PAM: variants seen among roughly 807,000 people sequenced by gnomAD.
PAM encodes peptidyl-glycine alpha-amidating monooxygenase.
PAM carries 72 observed loss-of-function variants against 122.1 expected under a neutral mutation model. The observed-to-expected ratio is 0.59, with a 90% CI of 0.49 to 0.72. PAM has a LOEUF of 0.72. PAM is among the 30% of genes least tolerant of loss of function. PAM has a pLI of 0.00. For synonymous variants in PAM, 389 were observed against 404.4 expected, an observed-to-expected ratio of 0.96 and a Z score of 0.46; for missense variants, 1,106 against 1,183.7, an observed-to-expected ratio of 0.93 and a Z score of 0.96.
At chr5:102,960,696 T>C (rs935008158) in intron 13 of PAM, among the ~76,000 whole-genome samples, 1 of 151,906 alleles carries the variant, frequency 6.6e-6, no homozygotes, top group African/African-American at 2.4e-5. Flanking sequence ...TTTTGCAAGT[T>C]CAGTCTTAAC....
intron 7 of PAM, among the ~76,000 whole-genome samples, chr5:102,931,182 A>C (rs1019863499): frequency 6.6e-6 from 1 of 152,234 alleles, no homozygotes; most frequent in Non-Finnish European, 1.5e-5. Flanking sequence ...AGTTACACAT[A>C]ATATGAAAAG....
At chr5:102,895,943 C>G (rs1005578915) in intron 3 of PAM, 1 of 151,678 alleles carries the variant, frequency 6.6e-6, no homozygotes, top group Non-Finnish European at 1.5e-5. Flanking sequence ...GCATGAACCA[C>G]TAGCTTAAAG....
chr5:103,003,506 C>T (rs950481160), intron 17 of PAM, among the ~76,000 whole-genome samples: 70 of 152,234 alleles, frequency 4.6e-4, no homozygotes, highest in African/African-American at 1.6e-3. Context: ...TGTTCATTAG[C>T]TTGATTTAAT....
intron 4 of PAM, among the ~76,000 whole-genome samples, chr5:102,908,853 T>A (rs1800508664): frequency 6.6e-6 from 1 of 151,760 alleles, no homozygotes; most frequent in Non-Finnish European, 1.5e-5. Context: ...TAATGTAATA[T>A]GCCATTGTGG....
chr5:102,930,064 G>A (rs1750947421), intron 7 of PAM, among the ~76,000 whole-genome samples: 2 of 152,034 alleles, frequency 1.3e-5, no homozygotes, highest in African/African-American at 4.8e-5. Flanking sequence ...TACATAAAAT[G>A]TTTGCTTTAC....
intron 23 of PAM, among the ~76,000 whole-genome samples, chr5:103,021,482 A>G (rs1245256744): frequency 6.6e-6 from 1 of 152,184 alleles, no homozygotes; most frequent in Non-Finnish European, 1.5e-5. Flanking sequence ...TCAATGATGG[A>G]TGAATAATGC....
At chr5:102,944,273 A>G (rs1560039) in intron 7 of PAM, among the ~76,000 whole-genome samples, 2,319 of 152,210 alleles carry the variant, frequency 0.015, 40 homozygotes, top group African/African-American at 0.052. Flanking sequence ...TTGCAAGAGA[A>G]CAACCACTAT....
chr5:102,848,306 C>T (rs1307779777), intron 1 of PAM, among the ~76,000 whole-genome samples: 2 of 152,106 alleles, frequency 1.3e-5, no homozygotes, highest in African/African-American at 2.4e-5. Context: ...TAAACTGTTG[C>T]ATTTTAGAAA....
chr5:102,762,259 T>C (rs1752562084), intron 1 of PAM, among the ~76,000 whole-genome samples: 1 of 152,242 alleles, frequency 6.6e-6, no homozygotes, highest in South Asian at 2.1e-4. Context: ...TTGTCTTGCC[T>C]TGTGCCTCTG....
In PAM at chr5:103,025,191, A is replaced by C; in HGVS notation, c.2546A>C (p.Lys849Thr). 6.2e-7 allele frequency: 1 copy of C among 1,613,792 alleles called. No individual in the cohort carries two copies. Among genetic ancestry groups the C allele is most frequent in the South Asian group, 1.1e-5 (1 of 91,074 alleles). ...ENKPTSSELQ[K>T]MQEKQKLIKE... ...AAACCCACCTCCTCAGAATTGCAGA[A>C]GATGCAAGAGAAACAGAAACTGATC... The change falls in exon 24 of 26, where the codon AAG becomes ACG. Residue 849 changes from lysine to threonine, a missense_variant. Around this residue, in one of 3 missense-constraint regions of PAM, gnomAD observed 333 missense variants for 335.6 expected, o/e 0.99. Coordinates refer to ENST00000438793, the MANE Select transcript of PAM (RefSeq NM_001177306.2).
At position 102,901,570 on chromosome 5, in the gene PAM, A is replaced by G. The variant is rs371074322; in HGVS notation, c.268+157A>G. ...CCTAATGCAGAAACAAACTAGAGAG[A>G]GCCACTGAGAGGCAAGATTATAAAC... On this transcript the variant is annotated intron_variant, in intron 4 of 25. Transcript: ENST00000438793. Among the ~76,000 whole-genome samples the G allele has an allele frequency of 1.6e-4, 25 of 151,720 alleles. No individual in the cohort carries two copies. In the East Asian group the frequency reaches 4.1e-3, roughly 25 times the overall value.
At chr5:102,854,903 A>G (rs1782228033) in intron 1 of PAM, among the ~76,000 whole-genome samples, 1 of 152,220 alleles carries the variant, frequency 6.6e-6, no homozygotes, top group African/African-American at 2.4e-5. Flanking sequence ...CACTGATCAA[A>G]GAAAACTGTT....
intron 3 of PAM, among the ~76,000 whole-genome samples, chr5:102,885,490 A>G (rs1485840726): frequency 6.6e-6 from 1 of 152,000 alleles, no homozygotes; most frequent in Non-Finnish European, 1.5e-5. Flanking sequence ...GACACAGTAG[A>G]TGTAAGAAAG....
intron 12 of PAM, among the ~76,000 whole-genome samples, chr5:102,959,382 G>T (rs145785581): frequency 6.7e-4 from 102 of 152,094 alleles, no homozygotes; most frequent in African/African-American, 2.4e-3. Flanking sequence ...CAAAAACAAG[G>T]TCCAGGACTT....
At position 102,901,319 on chromosome 5, in the gene PAM, C is replaced by T. The variant is rs374940561; in HGVS notation, c.211-37C>T. On this transcript the variant is annotated intron_variant, in intron 3 of 25. Coordinates refer to ENST00000438793, the MANE Select transcript of PAM (RefSeq NM_001177306.2). The stretch of plus-strand genomic sequence containing the variant: ...GTTATTATTTCTTCCTTACTAGCAA[C>T]AGTTTAATTTGGATTTTTTAATCTT... The T allele has an allele frequency of 1.8e-5, 21 of 1,197,418 alleles. No individual in the cohort carries two copies. In the African/African-American group the frequency reaches 2.7e-4, roughly 15 times the overall value. The allele number at this position is 1,197,418 out of a possible 1,614,324, so 74.2% of individuals were successfully genotyped here. A position where few individuals can be genotyped will look rare whatever the true frequency, so the allele number is the denominator to read the frequency against.
At chr5:102,909,426 T>C (rs555108548) in intron 4 of PAM, among the ~76,000 whole-genome samples, 2 of 152,028 alleles carry the variant, frequency 1.3e-5, no homozygotes, top group East Asian at 3.9e-4. Context: ...CTTTGTCCTG[T>C]ACATTTAAAG....
At chr5:102,960,125 G>T in intron 13 of PAM, 66 bp downstream of exon 13, 1 of 856,200 alleles carries the variant, frequency 1.2e-6, no homozygotes, top group South Asian at 1.9e-5. Flanking sequence ...TATGTATCTT[G>T]TTTGATGATA....
At position 102,935,458 on chromosome 5, in the gene PAM, T is replaced by C. The variant is rs182090421; in HGVS notation, c.526+8790T>C. 1.3e-4 allele frequency among the ~76,000 whole-genome samples: 20 copies of C among 152,262 alleles called. No individual in the cohort carries two copies. In the East Asian group the frequency reaches 3.3e-3, roughly 25 times the overall value. On this transcript the variant is annotated intron_variant, in intron 7 of 25. Coordinates refer to ENST00000438793, the MANE Select transcript of PAM (RefSeq NM_001177306.2). ...ACTCTAATGTGTGTATCTTATTGTC[T>C]ATTAAAGATGCTCTGAGTTTTTTTG...
At chr5:102,983,446 C>CAAA (rs70990421) in intron 15 of PAM, among the ~76,000 whole-genome samples, 1 of 103,570 alleles carries the variant, frequency 9.7e-6, no homozygotes, top group African/African-American at 3.6e-5. Context: ...TGAGACTGTC[C>CAAA]AAAAAAAAAA....
Sources: allele counts gnomAD v4.1 joint callset (sites outside exome capture counted in the v4.1 genomes callset), GRCh38; gene constraint gnomAD v4.1.1; regional missense constraint gnomAD v4.1.1; transcripts MANE v1.5; gene names NCBI Gene and HGNC (gene_info 2026-07-23, HGNC 2026-07-21).